The following C1orf167 variants were observed in gnomAD, a reference collection of about 807,000 sequenced individuals.
C1orf167 encodes chromosome 1 open reading frame 167.
A neutral mutation model predicts 176.5 loss-of-function variants in C1orf167; 153 were observed. That is an observed-to-expected ratio of 0.87 (90% CI 0.76 to 0.99). C1orf167 has a LOEUF of 0.99. C1orf167 is among the 50% of genes least tolerant of loss of function. The pLI, the probability that C1orf167 is intolerant of heterozygous loss-of-function variation, is 0.00. For missense variants in C1orf167, 1,490 were observed against 1,817.7 expected, an observed-to-expected ratio of 0.82 and a Z score of 3.28; for synonymous variants, 594 against 752.7, an observed-to-expected ratio of 0.79 and a Z score of 3.45.
intron 20 of C1orf167, 131 bp downstream of exon 20, chr1:11,788,877 G>A (rs1012746896): frequency 4.5e-6 from 3 of 662,594 alleles, no homozygotes; most frequent in African/African-American, 1.9e-5. Context: ...GTTTTCAGGG[G>A]AGGGGGTCAG....
chr1:11,784,668 A>T (rs769833563), intron 15 of C1orf167, 75 bp downstream of exon 15: 2 of 1,185,830 alleles, frequency 1.7e-6, no homozygotes, highest in Non-Finnish European at 2.1e-6. Flanking sequence ...TGGCAGGGGT[A>T]GAGCGTAATT....
chr1:11,774,476 A>G (rs1341552808), intron 8 of C1orf167, among the ~76,000 whole-genome samples: 1 of 152,220 alleles, frequency 6.6e-6, no homozygotes, highest in Non-Finnish European at 1.5e-5. Context: ...CCCCTGGTGT[A>G]GTTTTCTGTG....
At chr1:11,783,154 G>A (rs1271800849) in intron 14 of C1orf167, among the ~76,000 whole-genome samples, 3 of 152,132 alleles carry the variant, frequency 2.0e-5, no homozygotes, top group Non-Finnish European at 2.9e-5. Flanking sequence ...ACAAATTTGC[G>A]AATGTTCAGT....
chr1:11,767,061 A>C lies in C1orf167; in HGVS notation c.1275A>C (p.Thr425=). Residue 425 remains threonine (T), a synonymous_variant, in exon 3 of 21, where the codon ACA becomes ACC. Transcript: ENST00000688073. Reference sequence around the variant, plus strand: ...GGACAGCTTTCCATCTGTCAGACACAGTCCCAGCGAGCAGTGCGTCGAAGG... The same window carrying C: ...GGACAGCTTTCCATCTGTCAGACACCGTCCCAGCGAGCAGTGCGTCGAAGG... ...EERTAFHLSD[T]VPASSASKNK... 1 of 1,229,316 alleles carries C rather than the reference A, an allele frequency of 8.1e-7. No individual in the cohort carries two copies. The highest frequency in any genetic ancestry group is 1.6e-5 in the African/African-American group (1 of 64,404). 76.2% of individuals were successfully genotyped at this position (1,229,316 alleles called of 1,614,324 possible). A position where few individuals can be genotyped will look rare whatever the true frequency, so the allele number is the denominator to read the frequency against.
At chr1:11,773,868 G>A (rs1643192976) in intron 8 of C1orf167, among the ~76,000 whole-genome samples, 1 of 151,834 alleles carries the variant, frequency 6.6e-6, no homozygotes, top group Non-Finnish European at 1.5e-5. Context: ...GTCCATGTAT[G>A]GCAGTTGGTT....
intron 17 of C1orf167, 180 bp downstream of exon 17, chr1:11,787,673 C>T: frequency 1.1e-6 from 1 of 919,654 alleles, no homozygotes; most frequent in Non-Finnish European, 1.4e-6. Context: ...CTTTGCATTC[C>T]TGCCCCGCCC....
chr1:11,776,696 G>A (rs1457849832), intron 10 of C1orf167, 58 bp downstream of exon 10: 9 of 1,167,374 alleles, frequency 7.7e-6, no homozygotes, highest in East Asian at 7.0e-5. Context: ...GGGTGGGCAC[G>A]TGAGCAGTGC....
chr1:11,787,806 CG>C, intron 17 of C1orf167, 66 bp from the exon 18 acceptor site: 1 of 1,183,000 alleles, frequency 8.5e-7, no homozygotes, highest in South Asian at 1.6e-5. Context: ...AACTCCTAGG[CG>C]GGCACTAAGA....
intron 6 of C1orf167, among the ~76,000 whole-genome samples, chr1:11,770,575 C>G (rs1432520711): frequency 1.3e-5 from 2 of 149,818 alleles, no homozygotes; most frequent in Non-Finnish European, 3.0e-5. Flanking sequence ...TCCCAAGTAG[C>G]TGGGATTATA....
intron 15 of C1orf167, 56 bp downstream of exon 15, chr1:11,784,649 G>A (rs1036228155): frequency 1.7e-6 from 2 of 1,195,280 alleles, no homozygotes; most frequent in Non-Finnish European, 2.1e-6. Flanking sequence ...CAGGCCTCAA[G>A]CCTGTTTTTG....
At chr1:11,776,723 T>G in intron 10 of C1orf167, 85 bp downstream of exon 10, 1 of 1,108,552 alleles carries the variant, frequency 9.0e-7, no homozygotes, top group Non-Finnish European at 1.2e-6. Context: ...CCAGGAGGAA[T>G]GCGGGAGGAA....
At chr1:11,764,270 G>T in intron 1 of C1orf167, 61 bp from the exon 2 acceptor site, 1 of 616,968 alleles carries the variant, frequency 1.6e-6, no homozygotes, top group South Asian at 1.5e-5. Flanking sequence ...AAGGGAGGAG[G>T]TAGGGATCAG....
chr1:11,766,395 T>G lies in C1orf167; in HGVS notation c.609T>G (p.Gly203=). Residue 203 remains glycine, a synonymous_variant, in exon 3 of 21, where the codon GGT becomes GGG. Transcript: ENST00000688073. This position sits in a 1 kb window ranked among gnomAD's most constrained non-coding sequence, Gnocchi z 4.5. ...HTQPGLRSWG[G]LGSWRSRLVG... Reference sequence around the variant, plus strand: ...AGCCAGGCCTCAGATCCTGGGGTGGTCTGGGGAGCTGGAGGTCCAGGCTGG... The same window carrying G: ...AGCCAGGCCTCAGATCCTGGGGTGGGCTGGGGAGCTGGAGGTCCAGGCTGG... 1 of 1,272,618 alleles carries G rather than the reference T, an allele frequency of 7.9e-7. No homozygotes were observed. The highest frequency in any genetic ancestry group is 1.0e-6 in the Non-Finnish European group (1 of 980,632). 78.8% of individuals were successfully genotyped at this position (1,272,618 alleles called of 1,614,324 possible). A position where few individuals can be genotyped will look rare whatever the true frequency, so the allele number is the denominator to read the frequency against.
intron 6 of C1orf167, among the ~76,000 whole-genome samples, chr1:11,770,833 C>T (rs1286666685): frequency 6.8e-6 from 1 of 146,610 alleles, no homozygotes; most frequent in Non-Finnish European, 1.5e-5. Flanking sequence ...TAAACAGAGC[C>T]TTGCTCTGTC....
intron 6 of C1orf167, among the ~76,000 whole-genome samples, chr1:11,770,754 G>A (rs1434396949): frequency 1.3e-5 from 2 of 150,818 alleles, no homozygotes; most frequent in East Asian, 1.9e-4. Context: ...GAGCCACTGC[G>A]CCCGGCCTCT....
Position 11,776,582 on chromosome 1 carries a change from C to T in C1orf167, c.2283C>T (p.Ala761=), listed in dbSNP as rs1643327288. ...TGCAGGATGCCTGCTGGACACTGGC[C>T]CTCTGCTGGGCGCTGCTGCTGTGGA... ...GSLQDACWTL[A]LCWALLLWKM... The change falls in exon 10 of 21, where the codon GCC becomes GCT. Residue 761 remains alanine (A), a synonymous_variant. Transcript: ENST00000688073. 4 of 1,235,122 alleles carry T rather than the reference C, an allele frequency of 3.2e-6. No individual in the cohort carries two copies. Among genetic ancestry groups the T allele is most frequent in the Non-Finnish European group, 4.2e-6 (4 of 955,900 alleles). 76.5% of individuals were successfully genotyped at this position (1,235,122 alleles called of 1,614,324 possible).
Position 11,787,835 on chromosome 1 carries a change from C to G in C1orf167, c.3674-38C>G, listed in dbSNP as rs1472969630. The G allele has an allele frequency of 5.9e-6, 7 of 1,193,126 alleles. No homozygotes were observed. In the South Asian group the frequency reaches 7.9e-5, roughly 14 times the overall value. 73.9% of individuals were successfully genotyped at this position (1,193,126 alleles called of 1,614,324 possible). On this transcript the variant is annotated intron_variant, in intron 17 of 20. Transcript: ENST00000688073. ...CACTAAGAGCAGCTGCCTTCCTGGA[C>G]CCACCTTAACCTCTTGTGACTCAAC...
In C1orf167 at chr1:11,788,715, G is replaced by A. The variant is rs2100471619; in HGVS notation, c.4142G>A (p.Ser1381Asn). Residue 1381 changes from serine to asparagine, a missense_variant, in exon 20 of 21, where the codon AGT (serine) becomes AAT (asparagine). Transcript: ENST00000688073. ...DVVAADPATA[S>N]GSAVTAAGRW... ...GTGGCAGCGGATCCTGCGACTGCGA[G>A]TGGCTCAGCAGTTACAGCAGCAGGA... 7.7e-7 allele frequency: 1 copy of A among 1,304,250 alleles called. No individual in the cohort carries two copies. Among genetic ancestry groups the A allele is most frequent in the South Asian group, 1.2e-5 (1 of 81,028 alleles). 80.8% of individuals were successfully genotyped at this position (1,304,250 alleles called of 1,614,324 possible).
At chr1:11,776,416 G>A in intron 9 of C1orf167, 48 bp from the exon 10 acceptor site, 1 of 1,277,256 alleles carries the variant, frequency 7.8e-7, no homozygotes, top group Non-Finnish European at 1.0e-6. Flanking sequence ...TGTGGGCAGA[G>A]TGAGGTCAGT....
Sources: gnomAD v4.1 joint callset for allele counts (sites outside exome capture counted in the v4.1 genomes callset) on GRCh38, gnomAD v4.1.1 for gene constraint, Gnocchi (gnomAD v3.1) non-coding constraint, MANE v1.5 for transcripts, NCBI Gene and HGNC (gene_info 2026-07-23, HGNC 2026-07-21) for gene names.